AIMP2: variants seen among roughly 807,000 people sequenced by gnomAD.
AIMP2 encodes the protein aminoacyl tRNA synthetase complex interacting multifunctional protein 2.
A neutral mutation model predicts 23.4 loss-of-function variants in AIMP2; 20 were observed. That is an observed-to-expected ratio of 0.85 (90% confidence interval 0.60 to 1.24). The LOEUF is 1.24. Ranked by LOEUF, AIMP2 falls within the 50% of genes most tolerant of loss-of-function variation. The pLI is 0.00. For synonymous variants in AIMP2, 210 were observed against 170.4 expected (o/e 1.23, Z -1.81); for missense variants, 515 against 414.5 (o/e 1.24, Z -2.10).
At chr7:6,023,109 A>T in intron 3 of AIMP2, 194 bp from the exon 4 acceptor site, 2 of 625,932 alleles carry the variant, frequency 3.2e-6, no homozygotes, top group Non-Finnish European at 5.2e-6. Flanking sequence ...TTACTTTTTT[A>T]ACATAGTTTG....
At chr7:6,018,645 C>T (rs1162797585) in intron 3 of AIMP2, among the ~76,000 whole-genome samples, 1 of 151,656 alleles carries the variant, frequency 6.6e-6, no homozygotes, top group South Asian at 2.1e-4. Flanking sequence ...ACCAGCCTGA[C>T]CAACATGGTG....
chr7:6,015,577 C>T (rs1056717401), intron 2 of AIMP2, among the ~76,000 whole-genome samples: 5 of 151,562 alleles, frequency 3.3e-5, no homozygotes, highest in Admixed American at 2.6e-4. Flanking sequence ...ACAAAAAATT[C>T]GCCGGGCGTG....
At position 6,017,964 on chromosome 7, in the gene AIMP2, C is replaced by G. The variant is rs1013331223; in HGVS notation, c.493C>G (p.Leu165Val). 3.2e-5 allele frequency: 52 copies of G among 1,614,020 alleles called. No individual in the cohort carries two copies. The highest frequency in any genetic ancestry group is 4.4e-5 in the Non-Finnish European group (52 of 1,180,002). The change falls in exon 3 of 4, where the codon CTT becomes GTT. Residue 165 changes from leucine to valine, a missense_variant. Coordinates refer to ENST00000223029, the MANE Select transcript of AIMP2 (RefSeq NM_006303.4). Reference protein sequence around the residue: ...HSSVKSVPENLLKCFGEQNKK... With the variant: ...HSSVKSVPENVLKCFGEQNKK... ...CTCGGTCAAGAGCGTGCCTGAAAAC[C>G]TTCTCAAGTGCTTTGGAGAACAGAA... is the stretch of plus-strand genomic sequence containing the variant.
chr7:6,015,499 C>G (rs1786971817), intron 2 of AIMP2, 147 bp downstream of exon 2: 4 of 807,866 alleles, frequency 5.0e-6, no homozygotes, highest in Non-Finnish European at 8.0e-6. Flanking sequence ...CCAAGGCGGG[C>G]AGATCATGAG....
In AIMP2 at chr7:6,023,550, C is replaced by T. The variant is rs998944405; in HGVS notation, c.822C>T (p.Leu274=). 1.9e-6 allele frequency: 3 copies of T among 1,614,248 alleles called. No homozygotes were observed. The highest frequency in any genetic ancestry group is 1.7e-5 in the Admixed American group (1 of 60,024). The change falls in exon 4 of 4, where the codon CTC becomes CTT. Residue 274 remains leucine (L), a synonymous_variant. Transcript: ENST00000223029. ...GCCCTTGGCTCGCTGGGAATGAACT[C>T]ACCGTAGCAGACGTGGTGCTGTGGT... ...GKSPWLAGNE[L]TVADVVLWSV... is the part of the protein sequence containing the mutation.
chr7:6,012,161 G>C (rs1377198486), intron 1 of AIMP2, among the ~76,000 whole-genome samples: 1 of 151,858 alleles, frequency 6.6e-6, no homozygotes, highest in Non-Finnish European at 1.5e-5. Context: ...GCTGAGGTGG[G>C]AGGATCACTT....
chr7:6,018,090 G>A lies in AIMP2; in HGVS notation c.574+45G>A, dbSNP rs761545791. On this transcript the variant is annotated intron_variant, in intron 3 of 3. Transcript: ENST00000223029. The stretch of plus-strand genomic sequence containing the variant: ...TTCAACTTACACACAGCTGCCCCTT[G>A]AACACCATGAGTTTCACCTGCATGA... 11 of 1,476,496 alleles carry A rather than the reference G, an allele frequency of 7.5e-6. No homozygotes were observed. The South Asian group carries it at 9.6e-5, about 13-fold the overall frequency. 91.5% of individuals were successfully genotyped at this position (1,476,496 alleles called of 1,614,324 possible). A position where few individuals can be genotyped will look rare whatever the true frequency, so the allele number is the denominator to read the frequency against.
intron 3 of AIMP2, among the ~76,000 whole-genome samples, chr7:6,021,186 AAG>A (rs1387502066): frequency 2.6e-5 from 4 of 152,110 alleles, no homozygotes; most frequent in African/African-American, 7.2e-5. Flanking sequence ...AGTGCTATGA[AAG>A]AGAACCCTGG....
intron 1 of AIMP2, 122 bp downstream of exon 1, chr7:6,009,620 G>C (rs940495881): frequency 5.0e-5 from 42 of 846,950 alleles, no homozygotes; most frequent in Admixed American, 3.5e-4. Context: ...CATCTGTGCC[G>C]GCCGGCCAGG....
At chr7:6,011,231 C>G (rs775582883) in intron 1 of AIMP2, among the ~76,000 whole-genome samples, 1 of 152,160 alleles carries the variant, frequency 6.6e-6, no homozygotes, top group Admixed American at 6.6e-5. Flanking sequence ...GCTTTCCACT[C>G]TATTAAATTG....
intron 3 of AIMP2, among the ~76,000 whole-genome samples, chr7:6,021,818 C>CTA (rs1208085726): frequency 2.0e-5 from 3 of 152,120 alleles, no homozygotes; most frequent in Non-Finnish European, 4.4e-5. Flanking sequence ...AGCACTGAAA[C>CTA]TAAAGCAAGC....
At chr7:6,012,474 G>T (rs1198337943) in intron 1 of AIMP2, among the ~76,000 whole-genome samples, 3 of 152,060 alleles carry the variant, frequency 2.0e-5, no homozygotes, top group Non-Finnish European at 4.4e-5. Flanking sequence ...AGATCACGAA[G>T]GACTAGATCA....
At chr7:6,023,070 A>T in intron 3 of AIMP2, 1 of 515,940 alleles carries the variant, frequency 1.9e-6, no homozygotes, top group South Asian at 2.9e-5. Context: ...CAGAAGTGTC[A>T]TAATCAAATA....
intron 3 of AIMP2, among the ~76,000 whole-genome samples, chr7:6,019,443 C>CCAGCGCACTCCAGCCTGGGCGA (rs1562730169): frequency 6.7e-6 from 1 of 149,148 alleles, no homozygotes; most frequent in East Asian, 2.0e-4. Context: ...CGAGATCACG[C>CCAGCGCACTCCAGCCTGGGCGA]CAGCGCACTC....
Position 6,009,491 on chromosome 7 carries a change from A to G in AIMP2, c.128A>G (p.His43Arg), listed in dbSNP as rs770150314. Residue 43 changes from histidine (H) to arginine (R), a missense_variant, in exon 1 of 4, where the codon CAC becomes CGC. Transcript: ENST00000223029. Reference protein sequence around the residue: ...RSYGPAPGAGHVQEESNLSLQ... With the variant: ...RSYGPAPGAGRVQEESNLSLQ... The stretch of plus-strand genomic sequence containing the variant: ...TACGGCCCAGCGCCGGGCGCTGGCC[A>G]CGTGCAGGTAGGAGCGCGGGGCCCC... 6.4e-7 allele frequency: 1 copy of G among 1,550,756 alleles called. No individual in the cohort carries two copies. The highest frequency in any genetic ancestry group is 1.2e-5 in the South Asian group (1 of 84,408).
rs1208694096 is a variant in AIMP2 at position 6,016,631 on chromosome 7, AGGT to A, written c.343-1182_343-1180del. On this transcript the variant is annotated intron_variant, in intron 2 of 3. Coordinates refer to ENST00000223029, the MANE Select transcript of AIMP2 (RefSeq NM_006303.4). Reference sequence around the variant, plus strand: ...TGAGTCATTTCTCAGGGTGCTGGGGAGGTATCTCAGAGCATGTGGTGCTCAAGA... The same window carrying A: ...TGAGTCATTTCTCAGGGTGCTGGGGAATCTCAGAGCATGTGGTGCTCAAGA... Among the ~76,000 whole-genome samples the A allele has an allele frequency of 2.0e-5, 3 of 152,266 alleles. No homozygotes were observed. The East Asian group carries it at 5.8e-4, about 29-fold the overall frequency.
At position 6,017,862 on chromosome 7, in the gene AIMP2, C is replaced by G. The variant is rs1296381315; in HGVS notation, c.391C>G (p.Pro131Ala). The change falls in exon 3 of 4, where the codon CCT (proline) becomes GCT (alanine). Residue 131 changes from proline to alanine, a missense_variant. Physicochemically the swap from Pro to Ala is conservative, Grantham distance 27. Coordinates refer to ENST00000223029, the MANE Select transcript of AIMP2 (RefSeq NM_006303.4). ...DIVINANPAS[P>A]PLSLLVLHRL... ...CGTGATCAACGCAAACCCGGCCTCCCCTCCCCTCTCCCTGCTTGTGCTGCA... is the reference window on the plus strand; with the variant it reads ...CGTGATCAACGCAAACCCGGCCTCCGCTCCCCTCTCCCTGCTTGTGCTGCA... 1 of 1,614,084 alleles carries G rather than the reference C, an allele frequency of 6.2e-7. No homozygotes were observed. Among genetic ancestry groups the G allele is most frequent in the Non-Finnish European group, 8.5e-7 (1 of 1,180,020 alleles).
At chr7:6,014,083 C>T (rs1240801939) in intron 1 of AIMP2, among the ~76,000 whole-genome samples, 1 of 152,042 alleles carries the variant, frequency 6.6e-6, no homozygotes, top group Admixed American at 6.6e-5. Context: ...TACTCAGTTA[C>T]ATTCTCATTG....
At position 6,015,196 on chromosome 7, in the gene AIMP2, T is replaced by G; in HGVS notation, c.186T>G (p.Ile62Met). 1 of 1,614,176 alleles carries G rather than the reference T, an allele frequency of 6.2e-7. No individual in the cohort carries two copies. Among genetic ancestry groups the G allele is most frequent in the Non-Finnish European group, 8.5e-7 (1 of 1,180,022 alleles). ...LQALESRQDD[I>M]LKRLYELKAA... ...CTCTTGAGTCCCGCCAAGATGATATTTTAAAACGTCTGTATGAGTTGAAAG... is the reference window on the plus strand; with the variant it reads ...CTCTTGAGTCCCGCCAAGATGATATGTTAAAACGTCTGTATGAGTTGAAAG... The change falls in exon 2 of 4, where the codon ATT becomes ATG. Residue 62 changes from isoleucine (I) to methionine (M), a missense_variant. By Grantham distance (10) the Ile-to-Met change is conservative (BLOSUM62 1). Transcript: ENST00000223029.
Sources: gnomAD v4.1 joint callset for allele counts (sites outside exome capture counted in the v4.1 genomes callset) on GRCh38, gnomAD v4.1.1 for gene constraint, MANE v1.5 for transcripts, NCBI Gene and HGNC (gene_info 2026-07-23, HGNC 2026-07-21) for gene names.